The following VIPR1 variants were observed in gnomAD, a reference collection of about 807,000 sequenced individuals.
VIPR1 encodes vasoactive intestinal polypeptide receptor 1.
Under a neutral mutation model 58.8 loss-of-function variants are expected in VIPR1, and 59 were observed. The ratio of observed to expected loss-of-function variants is 1.00; its 90% confidence interval spans 0.81 to 1.25. The LOEUF (loss-of-function observed/expected upper bound fraction) is 1.25. Ranked by LOEUF, VIPR1 falls within the 50% of genes most tolerant of loss-of-function variation. The pLI is 0.00. For missense variants in VIPR1, 626 were observed against 602.7 expected, an observed-to-expected ratio of 1.04 and a Z score of -0.40; for synonymous variants, 251 against 242.1, an observed-to-expected ratio of 1.04 and a Z score of -0.34.
chr3:42,535,221 C>T (rs1701781878), intron 11 of VIPR1, 117 bp downstream of exon 11: 6 of 1,597,950 alleles, frequency 3.8e-6, no homozygotes, highest in Non-Finnish European at 5.1e-6. Flanking sequence ...ATTAGATAAG[C>T]ACCTACTTTG....
At chr3:42,531,053 C>A in intron 7 of VIPR1, 121 bp downstream of exon 7, 1 of 1,298,650 alleles carries the variant, frequency 7.7e-7, no homozygotes, top group Non-Finnish European at 1.1e-6. Context: ...CAGGTCCTGC[C>A]TGCAAGGATA....
In VIPR1 at chr3:42,532,337, A is replaced by T; in HGVS notation, c.1010+4A>T. The T allele has an allele frequency of 1.2e-6, 2 of 1,613,876 alleles. No homozygotes were observed. Among genetic ancestry groups the T allele is most frequent in the Non-Finnish European group, 1.7e-6 (2 of 1,179,824 alleles). ...AGAGTGACAGCAGTCCATACTCGTGAGTGTGGGCCTAGTGCCTCAGCCCCC... is the reference window on the plus strand; with the variant it reads ...AGAGTGACAGCAGTCCATACTCGTGTGTGTGGGCCTAGTGCCTCAGCCCCC... On this transcript the variant is annotated splice_donor_region_variant and intron_variant, in intron 10 of 12. Transcript: ENST00000325123.
chr3:42,532,023 G>C, intron 9 of VIPR1, 154 bp downstream of exon 9: 1 of 972,732 alleles, frequency 1.0e-6, no homozygotes, highest in East Asian at 2.6e-5. Flanking sequence ...TGTCCTACCA[G>C]TTCTTCCTTG....
chr3:42,531,496 G>A lies in VIPR1; in HGVS notation c.816G>A (p.Val272=), dbSNP rs975583089. ...GGGTACCCAGCACATTCACCATGGTGTGGACCATCGCCAGGATCCATTTTG... is the reference window on the plus strand; with the variant it reads ...GGGTACCCAGCACATTCACCATGGTATGGACCATCGCCAGGATCCATTTTG... The part of the protein sequence containing the change: ...GWGVPSTFTM[V]WTIARIHFED... The change falls in exon 8 of 13, where the codon GTG becomes GTA. Residue 272 remains valine, a synonymous_variant. Transcript: ENST00000325123. 5 of 1,591,820 alleles carry A rather than the reference G, an allele frequency of 3.1e-6. No individual in the cohort carries two copies. In the Admixed American group the frequency reaches 5.3e-5, roughly 17 times the overall value.
chr3:42,514,465 C>T (rs1700523506), intron 2 of VIPR1, among the ~76,000 whole-genome samples: 1 of 151,756 alleles, frequency 6.6e-6, no homozygotes, highest in South Asian at 2.1e-4. Context: ...CAATATTCAG[C>T]CTGGAAACTG....
intron 10 of VIPR1, chr3:42,533,431 G>T (rs1299431681): frequency 8.3e-6 from 1 of 119,766 alleles, no homozygotes; most frequent in African/African-American, 2.8e-5. Flanking sequence ...TGGGGGGGAC[G>T]GGGGGGGCAT....
chr3:42,506,746 T>C (rs1700136135), intron 1 of VIPR1: 2 of 152,158 alleles, frequency 1.3e-5, no homozygotes, highest in African/African-American at 4.8e-5. Flanking sequence ...CAGGCTGCTC[T>C]TGAACTCCTG....
At chr3:42,529,938 C>T (rs1559495435) in intron 6 of VIPR1, 1 of 152,218 alleles carries the variant, frequency 6.6e-6, no homozygotes, top group African/African-American at 2.4e-5. Flanking sequence ...ATGGCCACCC[C>T]TCCCCTCTTC....
intron 1 of VIPR1, chr3:42,509,656 GC>G (rs1700274318): frequency 2.6e-5 from 4 of 152,360 alleles, no homozygotes; most frequent in Admixed American, 2.6e-4. Context: ...CTTCTTTGGG[GC>G]AGGAGTTCCT....
chr3:42,492,113 C>T (rs900079911), intron 1 of VIPR1, among the ~76,000 whole-genome samples: 1 of 152,062 alleles, frequency 6.6e-6, no homozygotes. Flanking sequence ...TTCCTCTTCC[C>T]TCCCAACTCC....
At chr3:42,520,417 T>A (rs1474642035) in intron 3 of VIPR1, among the ~76,000 whole-genome samples, 1 of 152,090 alleles carries the variant, frequency 6.6e-6, no homozygotes, top group African/African-American at 2.4e-5. Context: ...AAGGAAGAAT[T>A]CTAGGAGTGT....
rs1397991894 is a variant in VIPR1 at position 42,502,859 on chromosome 3, G to A, written c.78+46G>A. 4.8e-6 allele frequency: 6 copies of A among 1,238,824 alleles called. No individual in the cohort carries two copies. The Admixed American group carries it at 2.1e-4, about 44-fold the overall frequency. The allele number at this position is 1,238,824 out of a possible 1,614,324, so 76.7% of individuals were successfully genotyped here. On this transcript the variant is annotated intron_variant, in intron 1 of 12. Coordinates refer to ENST00000325123, the MANE Select transcript of VIPR1 (RefSeq NM_004624.4). ...CCAGAGTCCCGGCAGCCTGGGGGTT[G>A]CGGAGGGCGGGGGAGGTGGGGGATG... is the stretch of plus-strand genomic sequence containing the variant.
chr3:42,491,474 C>G lies in VIPR1; in HGVS notation c.-245+1796C>G, dbSNP rs537890112. ...AATGATCATGGTTGAGGTAGAGGGA[C>G]AGAGGAAATAAATTAAGTGATGGGT... On this transcript the variant is annotated intron_variant, in intron 1 of 13. Transcript: ENST00000433647. Among the ~76,000 whole-genome samples the G allele has an allele frequency of 9.9e-5, 15 of 152,232 alleles. No homozygotes were observed. The South Asian group carries it at 3.1e-3, about 32-fold the overall frequency.
chr3:42,526,055 A>G, intron 4 of VIPR1, 62 bp downstream of exon 4: 3 of 1,473,742 alleles, frequency 2.0e-6, no homozygotes, highest in South Asian at 1.2e-5. Context: ...GGAGACTTTG[A>G]TCTCTCCCAC....
intron 5 of VIPR1, chr3:42,527,737 T>C: frequency 3.2e-6 from 2 of 634,794 alleles, no homozygotes; most frequent in Non-Finnish European, 5.4e-6. Flanking sequence ...CACCAGAGAG[T>C]GGGGCCTGCA....
At chr3:42,534,170 G>C (rs943708737) in intron 10 of VIPR1, 1 of 152,408 alleles carries the variant, frequency 6.6e-6, no homozygotes, top group Admixed American at 6.5e-5. Flanking sequence ...GGAGGAGGGG[G>C]ATGCAACCCC....
chr3:42,503,413 G>A (rs1699964455), intron 1 of VIPR1, among the ~76,000 whole-genome samples: 1 of 152,150 alleles, frequency 6.6e-6, no homozygotes, highest in African/African-American at 2.4e-5. Flanking sequence ...GGCTAAGGGT[G>A]GTGGTTAACA....
chr3:42,530,354 A>C (rs1017494519), intron 6 of VIPR1: 3 of 182,324 alleles, frequency 1.6e-5, no homozygotes, highest in Non-Finnish European at 3.5e-5. Flanking sequence ...ATGGAGAGAT[A>C]GGTGTGTGGG....
At chr3:42,532,413 C>T (rs1357728003) in intron 10 of VIPR1, 80 bp downstream of exon 10, 7 of 1,417,576 alleles carry the variant, frequency 4.9e-6, no homozygotes, top group African/African-American at 1.4e-5. Context: ...TTGAAGTCCT[C>T]CCACCCCAAA....
Sources: gnomAD v4.1 joint callset for allele counts (sites outside exome capture counted in the v4.1 genomes callset) on GRCh38, gnomAD v4.1.1 for gene constraint, MANE v1.5 for transcripts, NCBI Gene and HGNC (gene_info 2026-07-23, HGNC 2026-07-21) for gene names.